The following FRMD6 variants were observed in gnomAD, a reference collection of about 807,000 sequenced individuals.
The protein encoded by FRMD6 is FERM domain-containing protein 6.
FRMD6 carries 37 observed loss-of-function variants against 73.2 expected under a neutral mutation model. That is an observed-to-expected ratio of 0.51 (90% CI 0.39 to 0.66). The LOEUF (loss-of-function observed/expected upper bound fraction) is 0.66, where lower values mean the gene tolerates loss of function less well. Among genes scored for constraint, FRMD6 ranks in the 30% least tolerant of loss-of-function variants. The pLI, the probability that FRMD6 is intolerant of heterozygous loss-of-function variation, is 0.00. For missense variants in FRMD6, 714 were observed against 780.5 expected (o/e 0.91, Z 1.02); for synonymous variants, 273 against 282.2 (o/e 0.97, Z 0.33).
intron 2 of FRMD6, among the ~76,000 whole-genome samples, chr14:51,615,770 A>G (rs1483599753): frequency 6.6e-6 from 1 of 152,166 alleles, no homozygotes; most frequent in Non-Finnish European, 1.5e-5. Flanking sequence ...CACCCAGTGA[A>G]TTCTAGAAAC....
chr14:51,655,818 C>G (rs1045602234), intron 1 of FRMD6, among the ~76,000 whole-genome samples: 1 of 152,104 alleles, frequency 6.6e-6, no homozygotes, highest in Non-Finnish European at 1.5e-5. Context: ...TGATAGTTAT[C>G]CTGGAAATTT....
the FRMD6 span, among the ~76,000 whole-genome samples, chr14:51,465,355 A>T: frequency 6.6e-6 from 1 of 152,190 alleles, no homozygotes; most frequent in Admixed American, 6.5e-5. Context: ...GTATGCATGC[A>T]AGCAACCACC....
intron 1 of FRMD6, among the ~76,000 whole-genome samples, chr14:51,518,704 T>C (rs1211592868): frequency 6.6e-6 from 1 of 152,178 alleles, no homozygotes; most frequent in Non-Finnish European, 1.5e-5. Flanking sequence ...TTTTGGAAAA[T>C]TTTAACCACT....
At chr14:51,637,647 T>TATC (rs1217023327) in intron 2 of FRMD6, 1 of 152,280 alleles carries the variant, frequency 6.6e-6, no homozygotes, top group Non-Finnish European at 1.5e-5. Context: ...CAATGCAGTG[T>TATC]ATCTAAAAAC....
the FRMD6 span, among the ~76,000 whole-genome samples, chr14:51,418,844 T>C: frequency 6.6e-6 from 1 of 152,230 alleles, no homozygotes; most frequent in Non-Finnish European, 1.5e-5. Context: ...CAGTTTGAGC[T>C]TCCATGGCCA....
At chr14:51,424,366 A>T in the FRMD6 span, among the ~76,000 whole-genome samples, 1 of 152,206 alleles carries the variant, frequency 6.6e-6, no homozygotes, top group East Asian at 1.9e-4. Flanking sequence ...TTGAGATTCT[A>T]TAAGAATTAT....
At chr14:51,467,089 G>A in the FRMD6 span, among the ~76,000 whole-genome samples, 1 of 152,110 alleles carries the variant, frequency 6.6e-6, no homozygotes, top group Non-Finnish European at 1.5e-5. Flanking sequence ...AAGGTCTCTG[G>A]TTTTCCTAGG....
intron 1 of FRMD6, among the ~76,000 whole-genome samples, chr14:51,510,458 T>G (rs1225972824): frequency 6.6e-6 from 1 of 152,186 alleles, no homozygotes; most frequent in Non-Finnish European, 1.5e-5. Context: ...TGGTTCCCTA[T>G]TTTTCCTGGA....
the FRMD6 span, among the ~76,000 whole-genome samples, chr14:51,470,019 A>G: frequency 1.3e-5 from 2 of 152,252 alleles, no homozygotes; most frequent in South Asian, 4.1e-4. Flanking sequence ...TCTGGGATCA[A>G]TTAAGTTGTA....
chr14:51,712,600 CT>C, intron 9 of FRMD6, 49 bp downstream of exon 9: 1 of 1,152,634 alleles, frequency 8.7e-7, no homozygotes, highest in East Asian at 2.4e-5. Context: ...TAATTGCTTA[CT>C]TTTTTGGGTT....
At chr14:51,631,812 C>T (rs1218583859) in intron 2 of FRMD6, among the ~76,000 whole-genome samples, 1 of 152,194 alleles carries the variant, frequency 6.6e-6, no homozygotes, top group African/African-American at 2.4e-5. Context: ...GTTAACACCA[C>T]AGGGTCTAAG....
At chr14:51,705,768 T>C (rs1385051802) in intron 6 of FRMD6, among the ~76,000 whole-genome samples, 1 of 152,098 alleles carries the variant, frequency 6.6e-6, no homozygotes, top group East Asian at 1.9e-4. Context: ...GCCTGTTAGG[T>C]TGCTTTATAT....
At chr14:51,428,903 GA>G in the FRMD6 span, among the ~76,000 whole-genome samples, 1 of 149,126 alleles carries the variant, frequency 6.7e-6, no homozygotes, top group Non-Finnish European at 1.5e-5. Flanking sequence ...GATATTCCCT[GA>G]GGCTACATGG....
intron 1 of FRMD6, among the ~76,000 whole-genome samples, chr14:51,541,230 A>G (rs1886186863): frequency 6.6e-6 from 1 of 152,088 alleles, no homozygotes; most frequent in East Asian, 1.9e-4. Context: ...AAAATTTGCA[A>G]ATTGTTACAA....
At chr14:51,469,486 C>G in the FRMD6 span, among the ~76,000 whole-genome samples, 47 of 150,700 alleles carry the variant, frequency 3.1e-4, no homozygotes, top group South Asian at 1.7e-3. Context: ...GGTGGCAGGC[C>G]CCTGTAGTCC....
intron 2 of FRMD6, among the ~76,000 whole-genome samples, chr14:51,612,613 C>A (rs1890557768): frequency 1.3e-5 from 2 of 152,154 alleles, no homozygotes; most frequent in Admixed American, 1.3e-4. Context: ...ACTGAGATAG[C>A]AGGCACTCAC....
intron 2 of FRMD6, among the ~76,000 whole-genome samples, chr14:51,625,538 T>A (rs1891084617): frequency 6.6e-6 from 1 of 152,116 alleles, no homozygotes; most frequent in African/African-American, 2.4e-5. Context: ...CCTGGATAAC[T>A]TTTCCCTGGA....
At chr14:51,495,058 A>T (rs530084343) in intron 1 of FRMD6, among the ~76,000 whole-genome samples, 59 of 152,328 alleles carry the variant, frequency 3.9e-4, no homozygotes, top group African/African-American at 1.3e-3. Flanking sequence ...AGGAGAAGCC[A>T]AACCATACCT....
At position 51,730,338 on chromosome 14, in the gene FRMD6, G is replaced by A. The variant is rs538338790; in HGVS notation, c.*2309G>A. On this transcript the variant is annotated 3_prime_UTR_variant, in exon 14 of 14. Transcript: ENST00000344768. The stretch of plus-strand genomic sequence containing the variant: ...GATGAATCATGCTAAGAACACTTCT[G>A]CTTTTTGATCCACTGTTTGCAGCAG... 1 of 152,212 alleles carries A rather than the reference G, an allele frequency of 6.6e-6. No homozygotes were observed. Among genetic ancestry groups the A allele is most frequent in the South Asian group, 2.1e-4 (1 of 4,826 alleles). 9.4% of individuals were successfully genotyped at this position (152,212 alleles called of 1,614,324 possible).
Sources: allele counts gnomAD v4.1 joint callset (sites outside exome capture counted in the v4.1 genomes callset), GRCh38; gene constraint gnomAD v4.1.1; transcripts MANE v1.5; gene names NCBI Gene and HGNC (gene_info 2026-07-23, HGNC 2026-07-21).